Variants in PTPN5 observed in about 807,000 individuals in gnomAD.
PTPN5 encodes the protein protein tyrosine phosphatase non-receptor type 5.
Under a neutral mutation model 73.9 loss-of-function variants are expected in PTPN5, and 29 were observed. The ratio of observed to expected loss-of-function variants is 0.39; its 90% CI spans 0.29 to 0.54. PTPN5 has a LOEUF of 0.54. Ranked by LOEUF, PTPN5 falls within the 20% of genes least tolerant of loss-of-function variation. The probability of loss-of-function intolerance (pLI) is 0.65; values close to 1 mark genes in which losing one functional copy is unlikely to be tolerated. For missense variants in PTPN5, 652 were observed against 751.4 expected (o/e 0.87, Z 1.55); for synonymous variants, 267 against 304.7 (o/e 0.88, Z 1.29).
Position 18,729,622 on chromosome 11 carries a change from G to C in PTPN5, c.1490+36C>G, listed in dbSNP as rs764772209. Reference sequence around the variant, plus strand: ...GGCAGGGCAGCCCAGCGGGTGGGGGGCTGCCCCGCTCCAGTGGCTGGCTGG... The same window carrying C: ...GGCAGGGCAGCCCAGCGGGTGGGGGCCTGCCCCGCTCCAGTGGCTGGCTGG... On this transcript the variant is annotated intron_variant, in intron 13 of 14. Coordinates refer to ENST00000358540, the MANE Select transcript of PTPN5 (RefSeq NM_006906.2). The surrounding 1 kb of genome is among the most constrained non-coding windows in gnomAD (Gnocchi z 5.2). 8 of 1,575,896 alleles carry C rather than the reference G, an allele frequency of 5.1e-6. No homozygotes were observed. The South Asian group carries it at 9.0e-5, about 18-fold the overall frequency.
upstream of PTPN5, chr11:18,792,469 C>T (rs904169992): frequency 6.6e-6 from 1 of 152,464 alleles, no homozygotes; most frequent in Non-Finnish European, 1.5e-5. Flanking sequence ...GTCTTGCCCT[C>T]CTGACGTGCG....
At position 18,733,744 on chromosome 11, in the gene PTPN5, T is replaced by A. The variant is rs1460866312; in HGVS notation, c.1001-109A>T. 6.2e-6 allele frequency: 6 copies of A among 960,338 alleles called. No individual in the cohort carries two copies. The allele number at this position is 960,338 out of a possible 1,614,324, so 59.5% of individuals were successfully genotyped here. ...ACACTTCTTCTGCGACATTAGCAGTTCTTCCTTCCCTTGCCCAGCAGCAAA... is the reference window on the plus strand; with the variant it reads ...ACACTTCTTCTGCGACATTAGCAGTACTTCCTTCCCTTGCCCAGCAGCAAA... On this transcript the variant is annotated intron_variant, in intron 9 of 14. Transcript: ENST00000358540. This position sits in a 1 kb window ranked among gnomAD's most constrained non-coding sequence, Gnocchi z 4.3.
At position 18,744,168 on chromosome 11, in the gene PTPN5, C is replaced by T. The variant is rs929716089; in HGVS notation, c.129G>A (p.Leu43=). 4 of 1,587,218 alleles carry T rather than the reference C, an allele frequency of 2.5e-6. No homozygotes were observed. In the African/African-American group the frequency reaches 5.5e-5, roughly 22 times the overall value. ...GLPQPIVMEA[L]DEAEGLQDSQ... The stretch of plus-strand genomic sequence containing the variant: ...AGTCCTGGAGCCCTTCAGCCTCGTC[C>T]AGTGCCTCCATCACTATCGGCTGGG... The change falls in exon 4 of 15, where the codon CTG becomes CTA. Residue 43 remains leucine (L), a synonymous_variant. Coordinates refer to ENST00000358540, the MANE Select transcript of PTPN5 (RefSeq NM_006906.2).
rs963832387 is a variant in PTPN5, at chr11:18,733,943, A to C, written c.1001-308T>G. On this transcript the variant is annotated intron_variant, in intron 9 of 14. Coordinates refer to ENST00000358540, the MANE Select transcript of PTPN5 (RefSeq NM_006906.2). The surrounding 1 kb of genome is among the most constrained non-coding windows in gnomAD (Gnocchi z 4.3). The stretch of plus-strand genomic sequence containing the variant: ...CTGGAGAGGAGACAGCTAAGTCAAC[A>C]ATGGAATTACCTAGGGAAATTCCTG... Among the ~76,000 whole-genome samples, 1 of 152,184 alleles carries C rather than the reference A, an allele frequency of 6.6e-6. No individual in the cohort carries two copies. Among genetic ancestry groups the C allele is most frequent in the African/African-American group, 2.4e-5 (1 of 41,438 alleles).
At chr11:18,763,745 T>C (rs1564916147) in intron 3 of PTPN5, among the ~76,000 whole-genome samples, 1 of 152,200 alleles carries the variant, frequency 6.6e-6, no homozygotes, top group Non-Finnish European at 1.5e-5. Context: ...AATAAGTACT[T>C]GAGTGAATGA....
intron 2 of PTPN5, among the ~76,000 whole-genome samples, chr11:18,771,229 TCTTA>T (rs1326849345): frequency 6.6e-6 from 1 of 152,098 alleles, no homozygotes; most frequent in African/African-American, 2.4e-5. Flanking sequence ...CCTACCACCC[TCTTA>T]AAGCTCCAAC....
intron 3 of PTPN5, among the ~76,000 whole-genome samples, chr11:18,753,673 T>C (rs959830262): frequency 1.4e-4 from 21 of 152,276 alleles, no homozygotes; most frequent in African/African-American, 4.8e-5. Flanking sequence ...AGGATGTTAA[T>C]GTCAAGGAAA....
chr11:18,791,831 C>G (rs189763293), upstream of PTPN5: 7 of 152,208 alleles, frequency 4.6e-5, no homozygotes, highest in East Asian at 1.4e-3. Context: ...TTTGGCACCC[C>G]CCAGCCCCGG....
At chr11:18,788,726 C>A (rs1294798266) in intron 1 of PTPN5, among the ~76,000 whole-genome samples, 2 of 152,182 alleles carry the variant, frequency 1.3e-5, no homozygotes, top group East Asian at 3.8e-4. Context: ...CAATACGACA[C>A]AGAACAAAGA....
At chr11:18,743,677 T>C (rs944621450) in intron 4 of PTPN5, 5 of 587,190 alleles carry the variant, frequency 8.5e-6, no homozygotes, top group African/African-American at 7.5e-5. Context: ...CACAAATATG[T>C]ACATCAAAAG....
chr11:18,749,098 T>C (rs1849765944), intron 3 of PTPN5, among the ~76,000 whole-genome samples: 1 of 152,242 alleles, frequency 6.6e-6, no homozygotes. Context: ...TTTGCTTCTT[T>C]TGACAGCCCT....
chr11:18,729,731 G>A lies in PTPN5; in HGVS notation c.1417C>T (p.His473Tyr), dbSNP rs1325285087. The change falls in exon 13 of 15, where the codon CAC (histidine) becomes TAC (tyrosine). Residue 473 changes from histidine to tyrosine, a missense_variant. His to Tyr is a moderately conservative substitution (Grantham distance 83, BLOSUM62 2). This residue lies in a region of PTPN5 where 102 missense variants were observed against 160.5 expected (regional missense o/e 0.64). Coordinates refer to ENST00000358540, the MANE Select transcript of PTPN5 (RefSeq NM_006906.2). This position sits in a 1 kb window ranked among gnomAD's most constrained non-coding sequence, Gnocchi z 5.2. ...GCCTCCTCCACCTCCCGCACCAGGT[G>A]CAGGAGTGGGGGGGCCCGGTCTGGG... is the stretch of plus-strand genomic sequence containing the variant. ...KTPDRAPPLL[H>Y]LVREVEEAAQ... 1 of 1,603,768 alleles carries A rather than the reference G, an allele frequency of 6.2e-7. No individual in the cohort carries two copies. The highest frequency in any genetic ancestry group is 2.2e-5 in the East Asian group (1 of 44,616).
intron 3 of PTPN5, among the ~76,000 whole-genome samples, chr11:18,748,871 G>A (rs1849757097): frequency 6.6e-6 from 1 of 152,170 alleles, no homozygotes; most frequent in Admixed American, 6.5e-5. Flanking sequence ...GCTAGGCTCT[G>A]GGGACACAGC....
At chr11:18,760,114 C>G (rs773755116) in intron 3 of PTPN5, among the ~76,000 whole-genome samples, 3 of 152,070 alleles carry the variant, frequency 2.0e-5, no homozygotes, top group Admixed American at 6.6e-5. Context: ...GGAGCAGGGA[C>G]CATGTCTGTC....
At chr11:18,773,142 TGGA>T (rs1336281237) in intron 1 of PTPN5, among the ~76,000 whole-genome samples, 1 of 148,476 alleles carries the variant, frequency 6.7e-6, no homozygotes, top group Non-Finnish European at 1.5e-5. Context: ...ACCGCTCACT[TGGA>T]ATTTTTTCCT....
chr11:18,749,268 C>T (rs1407565076), intron 3 of PTPN5, among the ~76,000 whole-genome samples: 1 of 152,172 alleles, frequency 6.6e-6, no homozygotes, highest in Non-Finnish European at 1.5e-5. Flanking sequence ...TAACATTGGG[C>T]TCCTCATGGA....
intron 3 of PTPN5, among the ~76,000 whole-genome samples, chr11:18,745,646 A>G (rs1268558566): frequency 6.6e-6 from 1 of 151,980 alleles, no homozygotes; most frequent in Non-Finnish European, 1.5e-5. Context: ...CGAGCACCCC[A>G]TGCCTCTCTT....
chr11:18,790,947 G>A (rs1381035280), intron 1 of PTPN5, among the ~76,000 whole-genome samples: 2 of 152,156 alleles, frequency 1.3e-5, no homozygotes, highest in Non-Finnish European at 2.9e-5. Context: ...AGCCTCCCAA[G>A]GCTCTGACCC....
At chr11:18,743,154 A>G (rs1849451307) in intron 5 of PTPN5, 79 bp from the exon 6 acceptor site, 16 of 1,262,686 alleles carry the variant, frequency 1.3e-5, no homozygotes, top group Non-Finnish European at 1.8e-5. Context: ...CAAAACCAAG[A>G]TTCTGAAAAT....
Sources: allele counts gnomAD v4.1 joint callset (sites outside exome capture counted in the v4.1 genomes callset), GRCh38; gene constraint gnomAD v4.1.1; regional missense constraint gnomAD v4.1.1; non-coding constraint Gnocchi (gnomAD v3.1); transcripts MANE v1.5; gene names NCBI Gene and HGNC (gene_info 2026-07-23, HGNC 2026-07-21).